The following CSMD1 variants were observed in gnomAD, a reference collection of about 807,000 sequenced individuals.
CSMD1 encodes the protein CUB and Sushi multiple domains 1, also known as CUB and sushi domain-containing protein 1.
A neutral mutation model predicts 417.5 loss-of-function variants in CSMD1; 213 were observed. The observed-to-expected ratio is 0.51, with a 90% CI of 0.46 to 0.57. CSMD1 has a LOEUF of 0.57. Ranked by LOEUF, CSMD1 falls within the 20% of genes least tolerant of loss-of-function variation. The pLI is 0.00. For missense variants in CSMD1, 6,923 were observed against 4,529.7 expected (o/e 1.53, Z -15.17); for synonymous variants, 2,862 against 1,736.8 (o/e 1.65, Z -16.11).
intron 41 of CSMD1, among the ~76,000 whole-genome samples, chr8:3,119,072 C>A (rs1253008584): frequency 6.6e-6 from 1 of 151,890 alleles, no homozygotes; most frequent in African/African-American, 2.4e-5. Context: ...CCCAGCTACT[C>A]AGGAGGCTGA....
At chr8:3,110,076 C>A (rs1816403158) in intron 43 of CSMD1, 82 bp downstream of exon 43, 2 of 1,142,092 alleles carry the variant, frequency 1.8e-6, no homozygotes, top group Non-Finnish European at 1.2e-6. Flanking sequence ...AAATATGTGC[C>A]TTGTATATAA....
chr8:3,394,398 A>T (rs1811560537), intron 17 of CSMD1, among the ~76,000 whole-genome samples: 1 of 151,826 alleles, frequency 6.6e-6, no homozygotes, highest in East Asian at 1.9e-4. Flanking sequence ...GAAGACATTT[A>T]TTTAAATGAC....
intron 25 of CSMD1, among the ~76,000 whole-genome samples, chr8:3,299,470 A>G (rs765969240): frequency 3.7e-4 from 56 of 152,166 alleles, no homozygotes; most frequent in Non-Finnish European, 6.2e-4. Flanking sequence ...AAGGAATGCA[A>G]TGTGGTATCA....
At chr8:4,920,871 GAAAA>G (rs1563768499) in intron 1 of CSMD1, among the ~76,000 whole-genome samples, 8 of 8,632 alleles carry the variant, frequency 9.3e-4, no homozygotes, top group African/African-American at 1.9e-3. Context: ...GAAAAGAAAA[GAAAA>G]GAAAAGAAAA....
chr8:4,792,003 G>A, intron 1 of CSMD1, among the ~76,000 whole-genome samples: 1 of 151,926 alleles, frequency 6.6e-6, no homozygotes, highest in East Asian at 1.9e-4. Context: ...GTGTCTCAAA[G>A]GTTAATCCTA....
At chr8:4,698,942 C>CACAAA in intron 1 of CSMD1, among the ~76,000 whole-genome samples, 1 of 142,270 alleles carries the variant, frequency 7.0e-6, no homozygotes, top group East Asian at 2.3e-4. Context: ...ACACACACAC[C>CACAAA]AATTTCACCG....
intron 3 of CSMD1, among the ~76,000 whole-genome samples, chr8:4,233,534 C>G (rs1051272314): frequency 1.3e-5 from 2 of 152,128 alleles, no homozygotes; most frequent in Admixed American, 6.6e-5. Context: ...ACGCAGAGAG[C>G]TCTCTCACAC....
At chr8:3,663,596 T>G (rs777245479) in intron 7 of CSMD1, among the ~76,000 whole-genome samples, 1 of 152,174 alleles carries the variant, frequency 6.6e-6, no homozygotes, top group African/African-American at 2.4e-5. Flanking sequence ...CTCACTGAGA[T>G]AAACCCATAT....
At chr8:3,230,336 T>G (rs1317640137) in intron 26 of CSMD1, 105 bp from the exon 27 acceptor site, 2 of 841,026 alleles carry the variant, frequency 2.4e-6, no homozygotes, top group African/African-American at 3.4e-5. Flanking sequence ...ATTGGCCTAA[T>G]AAGTCATTTG....
intron 2 of CSMD1, among the ~76,000 whole-genome samples, chr8:4,440,874 A>G (rs961146488): frequency 3.3e-5 from 5 of 151,540 alleles, no homozygotes; most frequent in African/African-American, 9.7e-5. Context: ...GTGAATGCCT[A>G]TAGTCCCAGC....
intron 1 of CSMD1, among the ~76,000 whole-genome samples, chr8:4,877,872 C>A (rs939035809): frequency 6.6e-6 from 1 of 152,000 alleles, no homozygotes; most frequent in Admixed American, 6.6e-5. Context: ...TTGCTCTACC[C>A]AGTGTAGCAT....
At chr8:4,138,891 A>C (rs917371625) in intron 3 of CSMD1, among the ~76,000 whole-genome samples, 70 of 152,274 alleles carry the variant, frequency 4.6e-4, no homozygotes, top group Admixed American at 4.5e-3. Context: ...ATTTATATTT[A>C]ATACAAATAA....
At position 3,817,791 on chromosome 8, in the gene CSMD1, C is replaced by T. The variant is rs150039357; in HGVS notation, c.819-63749G>A. Among the ~76,000 whole-genome samples the T allele has an allele frequency of 8.6e-3, 1,303 of 152,150 alleles. 20 individuals carry two copies. Among genetic ancestry groups the T allele is most frequent in the African/African-American group, 0.03 (1,229 of 41,484 alleles). ...CAAAAGCCCCAATGCAGACCAAAGT[C>T]AGGAATGTTTAATAAGCACGTGCAT... is the stretch of plus-strand genomic sequence containing the variant. On this transcript the variant is annotated intron_variant, in intron 5 of 69. Coordinates refer to ENST00000635120, the MANE Select transcript of CSMD1 (RefSeq NM_033225.6).
In CSMD1 at chr8:2,938,746, T is replaced by C; in HGVS notation, c.10536-2A>G. 6.2e-7 allele frequency: 1 copy of C among 1,601,608 alleles called. No homozygotes were observed. The highest frequency in any genetic ancestry group is 8.5e-7 in the Non-Finnish European group (1 of 1,173,362). ...TTGTATTGAACTTTTGGTCTCGTTC[T>C]AAGGAAAACAGAAAACAAATCATTA... On this transcript the variant is annotated splice_acceptor_variant, in intron 69 of 69. Transcript: ENST00000635120. LOFTEE classifies it high-confidence loss of function.
intron 2 of CSMD1, among the ~76,000 whole-genome samples, chr8:4,551,191 A>G (rs1222459020): frequency 1.3e-5 from 2 of 152,172 alleles, no homozygotes; most frequent in Non-Finnish European, 1.5e-5. Context: ...CAGCTCAGAA[A>G]TGTCCACCAG....
chr8:4,060,407 C>A lies in CSMD1; in HGVS notation c.416-28308G>T, dbSNP rs540934464. Among the ~76,000 whole-genome samples the A allele has an allele frequency of 1.0e-3, 158 of 152,292 alleles. 2 individuals carry two copies. The highest frequency in any genetic ancestry group is 3.8e-3 in the African/African-American group (156 of 41,566). On this transcript the variant is annotated intron_variant, in intron 3 of 69. Transcript: ENST00000635120. ...ACAAGACAGGGATGCCCTCTCTCAC[C>A]ACTCCTATTCAACATAGTGTTGGAA...
intron 5 of CSMD1, among the ~76,000 whole-genome samples, chr8:3,993,411 TG>T (rs1292821500): frequency 1.3e-5 from 2 of 152,202 alleles, no homozygotes; most frequent in Non-Finnish European, 2.9e-5. Flanking sequence ...AGTGACAAGT[TG>T]GGTAAACACT....
chr8:4,137,799 T>G (rs1803523971), intron 3 of CSMD1, among the ~76,000 whole-genome samples: 1 of 77,436 alleles, frequency 1.3e-5, no homozygotes, highest in South Asian at 4.5e-4. Flanking sequence ...TAATCCAAAT[T>G]AATTTTCCCC....
intron 69 of CSMD1, among the ~76,000 whole-genome samples, chr8:2,941,614 A>C (rs1378921949): frequency 6.6e-6 from 1 of 152,214 alleles, no homozygotes; most frequent in Admixed American, 6.5e-5. Context: ...ATTAATCCCA[A>C]GGAAAGGATC....
Sources: gnomAD v4.1 joint callset for allele counts (sites outside exome capture counted in the v4.1 genomes callset) on GRCh38, gnomAD v4.1.1 for gene constraint, MANE v1.5 for transcripts, NCBI Gene and HGNC (gene_info 2026-07-23, HGNC 2026-07-21) for gene names.